Variants in CALN1 observed in about 807,000 individuals in gnomAD.
CALN1 encodes the protein calneuron 1, also known as calcium-binding protein 8.
Under a neutral mutation model 30.6 loss-of-function variants are expected in CALN1, and 17 were observed. The observed-to-expected ratio is 0.56, with a 90% confidence interval of 0.38 to 0.83. The LOEUF is 0.83. Ranked by LOEUF, CALN1 falls within the 40% of genes least tolerant of loss-of-function variation. CALN1 has a pLI of 0.00. For missense variants in CALN1, 291 were observed against 354.9 expected, an observed-to-expected ratio of 0.82 and a Z score of 1.45; for synonymous variants, 156 against 131.4, an observed-to-expected ratio of 1.19 and a Z score of -1.28.
rs191657140 is a variant in CALN1 at position 71,818,087 on chromosome 7, T to G, written c.502-7595A>C. Among the ~76,000 whole-genome samples the G allele has an allele frequency of 3.7e-3, 557 of 152,202 alleles. 4 individuals are homozygous for G. Among genetic ancestry groups the G allele is most frequent in the African/African-American group, 0.012 (519 of 41,538 alleles). The stretch of plus-strand genomic sequence containing the variant: ...GTGATGGGAATACAAAAGCGAACAA[T>G]ACATAAATCCTGTTCTTGAAACCAA... On this transcript the variant is annotated intron_variant, in intron 5 of 6. Coordinates refer to ENST00000395275, the MANE Select transcript of CALN1 (RefSeq NM_031468.4).
At chr7:72,177,150 A>C (rs1484482550) in intron 3 of CALN1, among the ~76,000 whole-genome samples, 1 of 152,178 alleles carries the variant, frequency 6.6e-6, no homozygotes, top group African/African-American at 2.4e-5. Flanking sequence ...TCATTCACTC[A>C]TTCATCTGTG....
At chr7:71,817,867 A>G (rs1788358641) in intron 5 of CALN1, among the ~76,000 whole-genome samples, 2 of 151,112 alleles carry the variant, frequency 1.3e-5, no homozygotes, top group Non-Finnish European at 2.9e-5. Context: ...ATCTTTTTCT[A>G]TAAACTTACT....
chr7:72,391,679 A>C (rs1158953418), intron 2 of CALN1, among the ~76,000 whole-genome samples: 2 of 152,160 alleles, frequency 1.3e-5, no homozygotes, highest in Non-Finnish European at 2.9e-5. Context: ...CTGATGGTTT[A>C]ATAAATGGGA....
At chr7:71,792,292 C>T (rs1786612781) in intron 6 of CALN1, among the ~76,000 whole-genome samples, 1 of 152,220 alleles carries the variant, frequency 6.6e-6, no homozygotes, top group African/African-American at 2.4e-5. Context: ...CTTACAGTGA[C>T]CCCAGTGAGC....
At chr7:72,290,530 C>T (rs1334969598) in intron 2 of CALN1, among the ~76,000 whole-genome samples, 2 of 152,138 alleles carry the variant, frequency 1.3e-5, no homozygotes, top group African/African-American at 4.8e-5. Context: ...ACCTAAAATC[C>T]ACTCCTTCAA....
chr7:71,873,754 T>G (rs1363482430), intron 5 of CALN1, among the ~76,000 whole-genome samples: 1 of 152,232 alleles, frequency 6.6e-6, no homozygotes, highest in Non-Finnish European at 1.5e-5. Flanking sequence ...AGACCCACTG[T>G]GCTAAGTTTA....
At chr7:72,501,258 T>C in the CALN1 span, among the ~76,000 whole-genome samples, 19 of 146,466 alleles carry the variant, frequency 1.3e-4, no homozygotes, top group African/African-American at 4.8e-4. Context: ...GGAGTCCAGG[T>C]GTGGTGGTTC....
chr7:72,178,022 G>T (rs1190262236), intron 3 of CALN1, among the ~76,000 whole-genome samples: 1 of 152,140 alleles, frequency 6.6e-6, no homozygotes, highest in African/African-American at 2.4e-5. Flanking sequence ...TGAATCTGAG[G>T]CCTTTTATTA....
chr7:72,458,199 ATATAATATATTT>A, the CALN1 span, among the ~76,000 whole-genome samples: 4 of 94,744 alleles, frequency 4.2e-5, no homozygotes, highest in Non-Finnish European at 6.3e-5. Flanking sequence ...ATATTATAAT[ATATAATATATTT>A]TATAATATAT....
At chr7:72,336,470 G>A (rs1307674588) in intron 2 of CALN1, among the ~76,000 whole-genome samples, 2 of 151,986 alleles carry the variant, frequency 1.3e-5, no homozygotes, top group Non-Finnish European at 1.5e-5. Context: ...GCGGCCAGGA[G>A]CCAGCTCCAC....
At chr7:72,215,619 G>A (rs1366190800) in intron 3 of CALN1, among the ~76,000 whole-genome samples, 3 of 149,494 alleles carry the variant, frequency 2.0e-5, no homozygotes, top group Non-Finnish European at 3.0e-5. Flanking sequence ...AAAGGCAAAG[G>A]AGAAAAAAGG....
chr7:72,425,124 G>GT, intron 1 of CALN1, among the ~76,000 whole-genome samples: 1 of 151,982 alleles, frequency 6.6e-6, no homozygotes, highest in African/African-American at 2.4e-5. Context: ...CTGGGGGGTT[G>GT]TTTTTTTGAG....
chr7:72,388,351 G>A (rs1805368815), intron 2 of CALN1, among the ~76,000 whole-genome samples: 1 of 151,856 alleles, frequency 6.6e-6, no homozygotes, highest in South Asian at 2.1e-4. Context: ...CAGGAGTCTT[G>A]GAGAGCAAGG....
chr7:72,426,992 AT>A (rs1006324672), intron 1 of CALN1, among the ~76,000 whole-genome samples: 2 of 151,956 alleles, frequency 1.3e-5, no homozygotes, highest in African/African-American at 4.8e-5. Context: ...AGCAATCTTT[AT>A]TTTTAAAGTG....
intron 4 of CALN1, among the ~76,000 whole-genome samples, chr7:72,054,518 TACATATATAC>T (rs1563015823): frequency 2.4e-5 from 3 of 123,280 alleles, no homozygotes; most frequent in African/African-American, 1.1e-4. Flanking sequence ...TACATATATA[TACATATATAC>T]ATACATATAT....
intron 5 of CALN1, among the ~76,000 whole-genome samples, chr7:71,971,977 GAAAGAA>G (rs1294799926): frequency 1.3e-4 from 13 of 98,812 alleles, no homozygotes; most frequent in Non-Finnish European, 2.4e-4. Flanking sequence ...AAGAAAGAAA[GAAAGAA>G]AGAAAGAAAG....
At chr7:71,912,714 C>T (rs770268572) in intron 5 of CALN1, among the ~76,000 whole-genome samples, 36 of 152,266 alleles carry the variant, frequency 2.4e-4, no homozygotes, top group Middle Eastern at 3.4e-3. Flanking sequence ...AGAAGCTACA[C>T]GTCTGACTCA....
intron 2 of CALN1, among the ~76,000 whole-genome samples, chr7:72,342,731 T>A (rs1355928767): frequency 6.6e-6 from 1 of 152,084 alleles, no homozygotes; most frequent in African/African-American, 2.4e-5. Flanking sequence ...CCGGTAAATA[T>A]CCCCTTCCCT....
In CALN1 at chr7:72,244,514, G is replaced by A. The variant is rs149670795; in HGVS notation, c.244+34172C>T. Among the ~76,000 whole-genome samples the A allele has an allele frequency of 6.9e-3, 1,047 of 151,308 alleles. 16 individuals are homozygous for A. The highest frequency in any genetic ancestry group is 0.025 in the African/African-American group (1,012 of 41,300). ...CAGAAAAGTTCCACAATTTATTATT[G>A]GGATATAAATGAGGAATAAACCAAG... On this transcript the variant is annotated intron_variant, in intron 3 of 6. Coordinates refer to ENST00000395275, the MANE Select transcript of CALN1 (RefSeq NM_031468.4).
Sources: allele counts gnomAD v4.1 joint callset (sites outside exome capture counted in the v4.1 genomes callset), GRCh38; gene constraint gnomAD v4.1.1; transcripts MANE v1.5; gene names NCBI Gene and HGNC (gene_info 2026-07-23, HGNC 2026-07-21).